The following PAICS variants were observed in gnomAD, a reference collection of about 807,000 sequenced individuals.
PAICS encodes the protein bifunctional phosphoribosylaminoimidazole carboxylase/phosphoribosylaminoimidazole succinocarboxamide synthetase.
A neutral mutation model predicts 53.7 loss-of-function variants in PAICS; 33 were observed. The observed-to-expected ratio is 0.61, with a 90% CI of 0.47 to 0.82. PAICS has a LOEUF of 0.82. Ranked by LOEUF, PAICS falls within the 40% of genes least tolerant of loss-of-function variation. The pLI is 0.00. For synonymous variants in PAICS, 141 were observed against 167.2 expected (o/e 0.84, Z 1.21); for missense variants, 394 against 494.1 (o/e 0.80, Z 1.92).
intron 6 of PAICS, 190 bp downstream of exon 6, chr4:56,450,892 A>C: frequency 2.1e-6 from 1 of 466,968 alleles, no homozygotes; most frequent in Non-Finnish European, 3.9e-6. Context: ...ATCTCAGCTC[A>C]CTGCAAGCTC....
chr4:56,432,910 G>A (rs1436950388), upstream of PAICS, among the ~76,000 whole-genome samples: 1 of 151,438 alleles, frequency 6.6e-6, no homozygotes, highest in African/African-American at 2.4e-5. Context: ...GAATGAGGGT[G>A]AGAAAGTGAA....
At chr4:56,413,841 G>A in the PAICS span, among the ~76,000 whole-genome samples, 2 of 152,078 alleles carry the variant, frequency 1.3e-5, no homozygotes, top group African/African-American at 2.4e-5. Flanking sequence ...AAGTTGCAGT[G>A]AGCCAAGATC....
At chr4:56,439,120 T>C (rs1379786966) in intron 1 of PAICS, among the ~76,000 whole-genome samples, 1 of 152,232 alleles carries the variant, frequency 6.6e-6, no homozygotes, top group African/African-American at 2.4e-5. Context: ...AATGACTAAG[T>C]AATACAGATT....
At position 56,462,607 on chromosome 4, in the gene PAICS, A is replaced by T. The variant is rs1719555711; in HGVS notation, c.*3069A>T. 1 of 152,226 alleles carries T rather than the reference A, an allele frequency of 6.6e-6. No individual in the cohort carries two copies. Among genetic ancestry groups the T allele is most frequent in the Admixed American group, 6.5e-5 (1 of 15,286 alleles). 9.4% of individuals were successfully genotyped at this position (152,226 alleles called of 1,614,324 possible). A position where few individuals can be genotyped will look rare whatever the true frequency, so the allele number is the denominator to read the frequency against. ...TAAAGTTGTGAGAATTACATGAGTC[A>T]ATATATGTAAGGCCCATCATGGCAC... On this transcript the variant is annotated 3_prime_UTR_variant, in exon 9 of 9. Transcript: ENST00000512576.
intron 3 of PAICS, 149 bp downstream of exon 3, chr4:56,447,022 A>G: frequency 2.3e-6 from 1 of 433,670 alleles, no homozygotes; most frequent in Non-Finnish European, 4.1e-6. Flanking sequence ...TCTAGTTGCC[A>G]ATGTCAATAA....
rs751597050 is a variant in PAICS at position 56,448,846 on chromosome 4, T to G, written c.687+23T>G. 41 of 1,279,196 alleles carry G rather than the reference T, an allele frequency of 3.2e-5. No homozygotes were observed. The Middle Eastern group carries it at 1.3e-3, about 39-fold the overall frequency. 79.2% of individuals were successfully genotyped at this position (1,279,196 alleles called of 1,614,324 possible). Reference sequence around the variant, plus strand: ...CAGGTAGATAATGCTTCAGGTTTTTTTATCCTTTTTGAGATCAAGCTGAGA... The same window carrying G: ...CAGGTAGATAATGCTTCAGGTTTTTGTATCCTTTTTGAGATCAAGCTGAGA... On this transcript the variant is annotated intron_variant, in intron 5 of 8. Transcript: ENST00000512576.
intron 3 of PAICS, among the ~76,000 whole-genome samples, chr4:56,447,356 G>A (rs1313869871): frequency 6.6e-6 from 1 of 152,096 alleles, no homozygotes; most frequent in South Asian, 2.1e-4. Flanking sequence ...TAATCAATGA[G>A]TTATGTAACT....
At chr4:56,453,123 C>G (rs1034187491) in intron 7 of PAICS, among the ~76,000 whole-genome samples, 1 of 152,088 alleles carries the variant, frequency 6.6e-6, no homozygotes, top group Non-Finnish European at 1.5e-5. Flanking sequence ...ATCAAAGGGC[C>G]TTAAAATTTG....
chr4:56,433,679 G>A (rs1717728058), upstream of PAICS, among the ~76,000 whole-genome samples: 1 of 148,192 alleles, frequency 6.7e-6, no homozygotes, highest in African/African-American at 2.5e-5. Flanking sequence ...CCCCATGACA[G>A]AGTATCCAAA....
At chr4:56,444,274 GTATAACTGTGT>G (rs1035822918) in intron 2 of PAICS, among the ~76,000 whole-genome samples, 39 of 152,250 alleles carry the variant, frequency 2.6e-4, no homozygotes, top group African/African-American at 7.9e-4. Flanking sequence ...CGTGGAAATA[GTATAACTGTGT>G]TATAACTGTG....
chr4:56,427,010 G>C, the PAICS span, among the ~76,000 whole-genome samples: 1 of 152,122 alleles, frequency 6.6e-6, no homozygotes, highest in African/African-American at 2.4e-5. Flanking sequence ...TCGTCCATTT[G>C]TGCCTGGCTT....
chr4:56,449,436 A>G (rs1718785018), intron 5 of PAICS, among the ~76,000 whole-genome samples: 1 of 152,240 alleles, frequency 6.6e-6, no homozygotes, highest in Non-Finnish European at 1.5e-5. Flanking sequence ...AAATTAGTTC[A>G]GCCATTGTGG....
intron 2 of PAICS, among the ~76,000 whole-genome samples, chr4:56,445,997 G>T (rs1324123457): frequency 6.9e-6 from 1 of 145,834 alleles, no homozygotes; most frequent in African/African-American, 2.6e-5. Context: ...TTACTACTGT[G>T]TCTTAGTGTC....
At chr4:56,442,378 C>A (rs1216997587) in intron 2 of PAICS, among the ~76,000 whole-genome samples, 1 of 152,150 alleles carries the variant, frequency 6.6e-6, no homozygotes, top group Non-Finnish European at 1.5e-5. Flanking sequence ...CCCCAGAGCG[C>A]CCTCCTGTTC....
intron 2 of PAICS, among the ~76,000 whole-genome samples, chr4:56,445,154 C>A (rs529508616): frequency 1.3e-4 from 20 of 152,172 alleles, no homozygotes; most frequent in African/African-American, 4.8e-4. Context: ...TCTTACGAGT[C>A]AGATTCAAAG....
At chr4:56,453,455 A>ATAG (rs58518435) in intron 7 of PAICS, 148 bp from the exon 8 acceptor site, 52,758 of 508,152 alleles carry the variant, frequency 0.1, 3,707 homozygotes, top group African/African-American at 0.22. Flanking sequence ...ATGTGTAATA[A>ATAG]TAGTATCTTT....
At chr4:56,436,190 AG>A, upstream of PAICS, 2 of 1,514,436 alleles carry the variant, frequency 1.3e-6, no homozygotes, top group Non-Finnish European at 1.8e-6. Flanking sequence ...GCTCGAAAAG[AG>A]TGGCGCAGGG....
At chr4:56,436,534 G>A in intron 1 of PAICS, 1 of 711,040 alleles carries the variant, frequency 1.4e-6, no homozygotes, top group South Asian at 1.5e-5. Flanking sequence ...AAGTAGAGGA[G>A]AACGAGAAAT....
At chr4:56,415,482 A>G in the PAICS span, among the ~76,000 whole-genome samples, 1 of 152,342 alleles carries the variant, frequency 6.6e-6, no homozygotes, top group Non-Finnish European at 1.5e-5. Context: ...CATCCAAACC[A>G]TAAAACAAGG....
Sources: gnomAD v4.1 joint callset for allele counts (sites outside exome capture counted in the v4.1 genomes callset) on GRCh38, gnomAD v4.1.1 for gene constraint, MANE v1.5 for transcripts, NCBI Gene and HGNC (gene_info 2026-07-23, HGNC 2026-07-21) for gene names.